The following ITPR2 variants were observed in gnomAD, a reference collection of about 807,000 sequenced individuals.
The protein encoded by ITPR2 is inositol 1,4,5-trisphosphate receptor type 2.
In ITPR2, 207 loss-of-function variants were observed where a neutral mutation model predicts 317.1. The observed-to-expected ratio is 0.65, with a 90% confidence interval of 0.58 to 0.73. The LOEUF (loss-of-function observed/expected upper bound fraction) is 0.73. Among genes scored for constraint, ITPR2 ranks in the 30% least tolerant of loss-of-function variants. The pLI is 0.00. For synonymous variants in ITPR2, 1,156 were observed against 1,149.1 expected, an observed-to-expected ratio of 1.01 and a Z score of -0.12; for missense variants, 2,613 against 3,284.0, an observed-to-expected ratio of 0.80 and a Z score of 4.99.
intron 2 of ITPR2, among the ~76,000 whole-genome samples, chr12:26,781,992 GTATATATATATATATATATATATA>G (rs1161714052): frequency 1.2e-4 from 7 of 57,010 alleles, no homozygotes; most frequent in African/African-American, 3.6e-4. Context: ...AAACTCCCCT[GTATATATATATATATATATATATA>G]TATATATATA....
At chr12:26,348,460 A>G (rs1218935121) in intron 55 of ITPR2, among the ~76,000 whole-genome samples, 1 of 152,190 alleles carries the variant, frequency 6.6e-6, no homozygotes, top group Non-Finnish European at 1.5e-5. Flanking sequence ...TATCTCAAAA[A>G]ATTAGGAGAT....
At chr12:26,666,135 G>GAGATAGATAGATAGATAGATAGAT (rs71437306) in intron 13 of ITPR2, 84 bp from the exon 14 acceptor site, 8,375 of 411,386 alleles carry the variant, frequency 0.02, 245 homozygotes, top group East Asian at 0.063. Context: ...TAGGTAGGTA[G>GAGATAGATAGATAGATAGATAGAT]AGATAGATAG....
intron 41 of ITPR2, among the ~76,000 whole-genome samples, chr12:26,485,125 T>G (rs1236327657): frequency 6.6e-6 from 1 of 152,174 alleles, no homozygotes; most frequent in Non-Finnish European, 1.5e-5. Context: ...CAATATTCAG[T>G]CAAGTTCTCT....
chr12:26,435,961 G>A (rs1941340235), intron 48 of ITPR2, among the ~76,000 whole-genome samples: 1 of 152,120 alleles, frequency 6.6e-6, no homozygotes. Flanking sequence ...TAATAATTAG[G>A]TAGAAATGAC....
chr12:26,665,596 C>T (rs550785762), intron 14 of ITPR2, among the ~76,000 whole-genome samples: 2 of 152,256 alleles, frequency 1.3e-5, no homozygotes, highest in Admixed American at 1.3e-4. Context: ...GCTGCCTTGT[C>T]TTGAGGCACT....
At chr12:26,672,124 A>C (rs1038250011) in intron 13 of ITPR2, among the ~76,000 whole-genome samples, 2 of 152,188 alleles carry the variant, frequency 1.3e-5, no homozygotes, top group Non-Finnish European at 2.9e-5. Context: ...CCCCACTGTC[A>C]ACATTAGACA....
chr12:26,737,117 A>T (rs186151432), intron 2 of ITPR2, among the ~76,000 whole-genome samples: 27 of 152,286 alleles, frequency 1.8e-4, no homozygotes, highest in Admixed American at 5.9e-4. Flanking sequence ...AATCCAAAAA[A>T]TACAAATTAC....
chr12:26,670,987 G>A (rs1438308845), intron 13 of ITPR2, among the ~76,000 whole-genome samples: 2 of 151,954 alleles, frequency 1.3e-5, no homozygotes, highest in Non-Finnish European at 2.9e-5. Flanking sequence ...AGCGAGAAGG[G>A]AAGTTTAGAG....
chr12:26,484,509 G>A (rs181908091), intron 41 of ITPR2, among the ~76,000 whole-genome samples: 106 of 152,234 alleles, frequency 7.0e-4, no homozygotes, highest in African/African-American at 2.4e-3. Flanking sequence ...CATACTGCTT[G>A]TTATACGAAC....
intron 2 of ITPR2, among the ~76,000 whole-genome samples, chr12:26,764,660 CCTAA>C (rs1179858772): frequency 8.6e-5 from 13 of 151,752 alleles, no homozygotes; most frequent in Admixed American, 7.9e-4. Context: ...GGGTTAATAT[CCTAA>C]CTATCAGAAT....
At chr12:26,811,105 C>A (rs1445373143) in intron 1 of ITPR2, among the ~76,000 whole-genome samples, 1 of 149,980 alleles carries the variant, frequency 6.7e-6, no homozygotes, top group Non-Finnish European at 1.5e-5. Context: ...GACAGACCTG[C>A]TGAATTGTAG....
intron 37 of ITPR2, among the ~76,000 whole-genome samples, chr12:26,521,746 A>AAAC (rs1038757116): frequency 1.3e-5 from 2 of 152,230 alleles, no homozygotes; most frequent in African/African-American, 4.8e-5. Context: ...ATAGGAAAGG[A>AAAC]AACAACAACA....
chr12:26,471,492 T>C (rs1322171315), intron 45 of ITPR2, among the ~76,000 whole-genome samples: 1 of 152,178 alleles, frequency 6.6e-6, no homozygotes, highest in Non-Finnish European at 1.5e-5. Flanking sequence ...CACAACACTA[T>C]AGTATTAGAA....
At chr12:26,551,171 C>T (rs1165374458) in intron 36 of ITPR2, among the ~76,000 whole-genome samples, 1 of 152,102 alleles carries the variant, frequency 6.6e-6, no homozygotes, top group African/African-American at 2.4e-5. Context: ...CTTAAATGAT[C>T]CAATTTCAGT....
At chr12:26,394,005 CA>C (rs34839437) in intron 54 of ITPR2, among the ~76,000 whole-genome samples, 41 of 148,782 alleles carry the variant, frequency 2.8e-4, no homozygotes, top group Admixed American at 2.1e-3. Flanking sequence ...ATTATGAAAG[CA>C]AAAAAAAATG....
chr12:26,462,184 T>TTTTGTTTTG (rs1473355783), intron 45 of ITPR2, among the ~76,000 whole-genome samples: 3 of 37,764 alleles, frequency 7.9e-5, no homozygotes, highest in Non-Finnish European at 2.9e-4. Flanking sequence ...GTTTTGTTTT[T>TTTTGTTTTG]GAGACAAAGT....
At chr12:26,516,310 A>AGGAAAGGAAAGGAAGGGAAG (rs1555145821) in intron 37 of ITPR2, among the ~76,000 whole-genome samples, 1 of 125,072 alleles carries the variant, frequency 8.0e-6, no homozygotes, top group African/African-American at 2.9e-5. Flanking sequence ...AGGAAAGGAA[A>AGGAAAGGAAAGGAAGGGAAG]GGAAAGGAAA....
chr12:26,715,275 A>C (rs200176198), intron 8 of ITPR2, 24 bp downstream of exon 8: 1 of 1,585,486 alleles, frequency 6.3e-7, no homozygotes, highest in South Asian at 1.1e-5. Context: ...AATATTTATT[A>C]AGTGCCAAAA....
chr12:26,523,873 A>G (rs919319473), intron 37 of ITPR2, among the ~76,000 whole-genome samples: 5 of 152,240 alleles, frequency 3.3e-5, no homozygotes, highest in African/African-American at 1.2e-4. Context: ...ACAGTGCCAG[A>G]CACTGCAGGC....
Sources: allele counts gnomAD v4.1 joint callset (sites outside exome capture counted in the v4.1 genomes callset), GRCh38; gene constraint gnomAD v4.1.1; transcripts MANE v1.5; gene names NCBI Gene and HGNC (gene_info 2026-07-23, HGNC 2026-07-21).